The following LDB2 variants were observed in gnomAD, a reference collection of about 807,000 sequenced individuals.
LDB2 encodes LIM domain binding 2, also known as LIM domain-binding protein 2.
A neutral mutation model predicts 44.3 loss-of-function variants in LDB2; 12 were observed. The ratio of observed to expected loss-of-function variants is 0.27; its 90% CI spans 0.17 to 0.44. The LOEUF is 0.44. LDB2 is among the 20% of genes least tolerant of loss of function. The pLI, the probability that LDB2 is intolerant of heterozygous loss-of-function variation, is 1.00. For missense variants in LDB2, 344 were observed against 473.5 expected, an observed-to-expected ratio of 0.73 and a Z score of 2.54; for synonymous variants, 164 against 174.8, an observed-to-expected ratio of 0.94 and a Z score of 0.49.
intron 1 of LDB2, chr4:16,759,525 T>C (rs1767425101): frequency 2.4e-6 from 1 of 414,728 alleles, no homozygotes; most frequent in Non-Finnish European, 4.3e-6. Context: ...ATTTAATAAA[T>C]GTGCTATAAA....
chr4:16,741,745 C>T (rs1763290686), intron 2 of LDB2, among the ~76,000 whole-genome samples: 2 of 152,172 alleles, frequency 1.3e-5, no homozygotes, highest in African/African-American at 2.4e-5. Context: ...TTCACTGCTG[C>T]CCCCTGGAGA....
intron 2 of LDB2, among the ~76,000 whole-genome samples, chr4:16,642,432 C>T (rs1451753061): frequency 6.6e-6 from 1 of 151,968 alleles, no homozygotes; most frequent in East Asian, 1.9e-4. Context: ...CTTCATGATA[C>T]AGAAGTTGAT....
At chr4:16,795,012 T>G (rs1033159675) in intron 1 of LDB2, among the ~76,000 whole-genome samples, 1 of 152,032 alleles carries the variant, frequency 6.6e-6, no homozygotes, top group Admixed American at 6.5e-5. Context: ...AGACAATCAA[T>G]AGAATCAGTG....
chr4:16,586,022 C>A lies in LDB2; in HGVS notation c.532-17G>T, dbSNP rs199916286. Reference sequence around the variant, plus strand: ...ATCTTGTGCCTAAATGGAAAAAAAACCCCACATGTATTTTATCACTACAGG... The same window carrying A: ...ATCTTGTGCCTAAATGGAAAAAAAAACCCACATGTATTTTATCACTACAGG... On this transcript the variant is annotated splice_polypyrimidine_tract_variant and intron_variant, in intron 4 of 7. Transcript: ENST00000304523. 1,630 of 1,594,608 alleles carry A rather than the reference C, an allele frequency of 1.0e-3. 1 individual carries two copies. The highest frequency in any genetic ancestry group is 3.0e-3 in the East Asian group (133 of 44,722).
At chr4:16,570,323 T>C (rs1210187495) in intron 5 of LDB2, among the ~76,000 whole-genome samples, 1 of 150,124 alleles carries the variant, frequency 6.7e-6, no homozygotes, top group African/African-American at 2.4e-5. Context: ...ATTAGCTGGG[T>C]GTGGTGGCGG....
chr4:16,606,239 C>G (rs1723902907), intron 2 of LDB2, among the ~76,000 whole-genome samples: 2 of 152,122 alleles, frequency 1.3e-5, no homozygotes, highest in Admixed American at 1.3e-4. Flanking sequence ...CATAAGAAGA[C>G]TCATTTGTTG....
chr4:16,622,973 G>A (rs1252469456), intron 2 of LDB2, among the ~76,000 whole-genome samples: 3 of 152,102 alleles, frequency 2.0e-5, no homozygotes, highest in African/African-American at 7.2e-5. Context: ...TATACCACTA[G>A]ACACTTTGAG....
chr4:16,599,857 CTCTT>C (rs1578123618), intron 2 of LDB2, among the ~76,000 whole-genome samples: 1 of 152,168 alleles, frequency 6.6e-6, no homozygotes, highest in East Asian at 1.9e-4. Context: ...TTTTGTCCCT[CTCTT>C]TCAAATTGAT....
At chr4:16,774,342 C>T (rs142396471) in intron 1 of LDB2, among the ~76,000 whole-genome samples, 170 of 152,106 alleles carry the variant, frequency 1.1e-3, no homozygotes, top group East Asian at 4.4e-3. Context: ...CTGAGATATG[C>T]GTTTTTTTAA....
intron 2 of LDB2, among the ~76,000 whole-genome samples, chr4:16,699,737 A>G (rs1423673573): frequency 6.6e-6 from 1 of 152,236 alleles, no homozygotes; most frequent in Non-Finnish European, 1.5e-5. Context: ...CTAAATGATC[A>G]TTTATAGCTC....
chr4:16,769,256 T>TC (rs1351072882), intron 1 of LDB2, among the ~76,000 whole-genome samples: 1 of 152,114 alleles, frequency 6.6e-6, no homozygotes, highest in African/African-American at 2.4e-5. Context: ...ATTTTAAATC[T>TC]CCCCTTTTTT....
intron 1 of LDB2, among the ~76,000 whole-genome samples, chr4:16,800,087 G>C (rs1777502243): frequency 6.6e-6 from 1 of 152,050 alleles, no homozygotes; most frequent in Non-Finnish European, 1.5e-5. Flanking sequence ...GAGAGTGGCG[G>C]AGCTGGGAAA....
At chr4:16,737,149 A>G (rs1762062869) in intron 2 of LDB2, among the ~76,000 whole-genome samples, 1 of 152,216 alleles carries the variant, frequency 6.6e-6, no homozygotes, top group Admixed American at 6.5e-5. Flanking sequence ...ACCAATTTTA[A>G]GAATCAAAAT....
intron 1 of LDB2, among the ~76,000 whole-genome samples, chr4:16,773,504 C>T (rs1466302306): frequency 6.6e-6 from 1 of 152,088 alleles, no homozygotes; most frequent in Non-Finnish European, 1.5e-5. Context: ...CAACCTCGAT[C>T]CCTCGCATGC....
chr4:16,527,939 C>A (rs1296892557), intron 5 of LDB2, among the ~76,000 whole-genome samples: 2 of 151,400 alleles, frequency 1.3e-5, no homozygotes, highest in African/African-American at 4.9e-5. Flanking sequence ...GTCATGTATA[C>A]CTTAATAAAG....
intron 5 of LDB2, among the ~76,000 whole-genome samples, chr4:16,516,530 C>T (rs994992669): frequency 1.3e-5 from 2 of 152,148 alleles, no homozygotes; most frequent in Non-Finnish European, 2.9e-5. Context: ...ACAAAACTAT[C>T]CTGTCTTAGG....
At chr4:16,555,364 G>A (rs985288555) in intron 5 of LDB2, among the ~76,000 whole-genome samples, 12 of 152,120 alleles carry the variant, frequency 7.9e-5, no homozygotes, top group East Asian at 1.9e-4. Flanking sequence ...AGATGGTACC[G>A]CCCTGCGAAT....
At chr4:16,767,757 A>C (rs1002599686) in intron 1 of LDB2, among the ~76,000 whole-genome samples, 2 of 152,216 alleles carry the variant, frequency 1.3e-5, no homozygotes, top group South Asian at 2.1e-4. Context: ...ATATCATCAA[A>C]GCTTCTTTAT....
At chr4:16,850,947 A>AGAGT (rs1554048716) in intron 1 of LDB2, among the ~76,000 whole-genome samples, 1 of 143,072 alleles carries the variant, frequency 7.0e-6, no homozygotes, top group Admixed American at 7.0e-5. Context: ...TAAAACCATA[A>AGAGT]GTGTGTGTGT....
Sources: allele counts gnomAD v4.1 joint callset (sites outside exome capture counted in the v4.1 genomes callset), GRCh38; gene constraint gnomAD v4.1.1; transcripts MANE v1.5; gene names NCBI Gene and HGNC (gene_info 2026-07-23, HGNC 2026-07-21).